DAB1: variants seen among roughly 807,000 people sequenced by gnomAD.
DAB1 encodes disabled homolog 1.
Under a neutral mutation model 64.6 loss-of-function variants are expected in DAB1, and 15 were observed. The ratio of observed to expected loss-of-function variants is 0.23; its 90% CI spans 0.16 to 0.36. The LOEUF (loss-of-function observed/expected upper bound fraction) is 0.36. Ranked by LOEUF, DAB1 falls within the 10% of genes least tolerant of loss-of-function variation. The pLI is 1.00. For synonymous variants in DAB1, 235 were observed against 251.9 expected, an observed-to-expected ratio of 0.93 and a Z score of 0.64; for missense variants, 596 against 706.7, an observed-to-expected ratio of 0.84 and a Z score of 1.78.
intron 1 of DAB1, among the ~76,000 whole-genome samples, chr1:57,407,639 T>C (rs1683750976): frequency 6.6e-6 from 1 of 151,908 alleles, no homozygotes; most frequent in Non-Finnish European, 1.5e-5. Context: ...GAGTGAAGAG[T>C]CTTGCCCATG....
At chr1:57,633,132 C>T (rs528728230) in intron 7 of DAB1, among the ~76,000 whole-genome samples, 97 of 152,342 alleles carry the variant, frequency 6.4e-4, no homozygotes, top group Middle Eastern at 6.8e-3. Flanking sequence ...CTGAGTAGAG[C>T]TCTCTGTCAC....
At chr1:57,538,822 A>C (rs1452593042) in intron 7 of DAB1, among the ~76,000 whole-genome samples, 1 of 152,180 alleles carries the variant, frequency 6.6e-6, no homozygotes, top group Non-Finnish European at 1.5e-5. Flanking sequence ...CATTACCATT[A>C]AGACAATGAG....
intron 2 of DAB1, among the ~76,000 whole-genome samples, chr1:57,286,880 A>C (rs1672359814): frequency 6.6e-6 from 1 of 152,346 alleles, no homozygotes; most frequent in African/African-American, 2.4e-5. Context: ...CAACCAAGTA[A>C]GATTTACCCC....
At chr1:57,050,418 G>A (rs150214510) in intron 9 of DAB1, among the ~76,000 whole-genome samples, 367 of 152,272 alleles carry the variant, frequency 2.4e-3, no homozygotes, top group African/African-American at 8.2e-3. Flanking sequence ...CTCCTTGGGG[G>A]CTTCCCTTGG....
intron 14 of DAB1, among the ~76,000 whole-genome samples, chr1:57,003,123 A>G (rs919915525): frequency 1.3e-5 from 2 of 152,228 alleles, no homozygotes; most frequent in African/African-American, 4.8e-5. Context: ...GTGCTGGACC[A>G]GCCTAGGAAA....
chr1:57,413,319 G>T (rs1684252915), intron 1 of DAB1, among the ~76,000 whole-genome samples: 1 of 152,132 alleles, frequency 6.6e-6, no homozygotes, highest in Non-Finnish European at 1.5e-5. Flanking sequence ...GCAGCCCATG[G>T]ATCAAGGAGT....
rs368405787 is a variant in DAB1 at position 57,156,547 on chromosome 1, G to A, written c.68-11118C>T. 1.6e-4 allele frequency among the ~76,000 whole-genome samples: 25 copies of A among 152,248 alleles called. No individual in the cohort carries two copies. In the South Asian group the frequency reaches 5.2e-3, roughly 32 times the overall value. On this transcript the variant is annotated intron_variant, in intron 2 of 14. Transcript: ENST00000371236. ...AATTAATTTATTTATGCTAAAGTGG[G>A]TAATGGACTCCAGGAGTCAGGACCA...
At chr1:58,173,724 C>T (rs990195937) in intron 4 of DAB1, among the ~76,000 whole-genome samples, 2 of 152,104 alleles carry the variant, frequency 1.3e-5, no homozygotes, top group East Asian at 1.9e-4. Flanking sequence ...TCTATGCAGC[C>T]GAAGTATATT....
chr1:57,959,247 C>T (rs1030649372), intron 5 of DAB1, among the ~76,000 whole-genome samples: 13 of 152,202 alleles, frequency 8.5e-5, no homozygotes, highest in African/African-American at 2.9e-4. Flanking sequence ...GCACCTGCCT[C>T]ATAGGGCCAG....
At chr1:58,471,631 G>T (rs1357194066) in intron 3 of DAB1, among the ~76,000 whole-genome samples, 1 of 152,206 alleles carries the variant, frequency 6.6e-6, no homozygotes, top group African/African-American at 2.4e-5. Flanking sequence ...GGCCCAGTGA[G>T]AGGTGATTGG....
intron 7 of DAB1, among the ~76,000 whole-genome samples, chr1:57,572,650 A>G (rs1645206333): frequency 6.6e-6 from 1 of 152,186 alleles, no homozygotes; most frequent in Non-Finnish European, 1.5e-5. Flanking sequence ...GAGTTTTTAC[A>G]TAATTGTATT....
At chr1:58,015,878 G>A (rs1646730986) in intron 5 of DAB1, among the ~76,000 whole-genome samples, 1 of 152,272 alleles carries the variant, frequency 6.6e-6, no homozygotes, top group Non-Finnish European at 1.5e-5. Flanking sequence ...ACGGAAGCTG[G>A]GAGGTTCTGC....
At chr1:57,977,120 C>T (rs998762916) in intron 5 of DAB1, among the ~76,000 whole-genome samples, 40 of 152,146 alleles carry the variant, frequency 2.6e-4, no homozygotes, top group African/African-American at 8.2e-4. Flanking sequence ...GTACAGGTTA[C>T]AATGCTTGTT....
intron 5 of DAB1, among the ~76,000 whole-genome samples, chr1:58,136,357 T>C (rs1030962234): frequency 1.3e-5 from 2 of 152,120 alleles, no homozygotes; most frequent in African/African-American, 4.8e-5. Context: ...GCTGCCGAAG[T>C]ATTTTCATAT....
intron 3 of DAB1, among the ~76,000 whole-genome samples, chr1:58,436,334 A>C (rs976574087): frequency 1.3e-5 from 2 of 152,194 alleles, no homozygotes; most frequent in African/African-American, 4.8e-5. Flanking sequence ...TTTGGAGGAG[A>C]GTGAAGAGAG....
At chr1:57,714,904 A>C (rs957926051) in intron 6 of DAB1, among the ~76,000 whole-genome samples, 4 of 152,220 alleles carry the variant, frequency 2.6e-5, no homozygotes, top group African/African-American at 9.6e-5. Context: ...AAAAGGGAAC[A>C]GTTAAAGAAC....
chr1:58,355,384 G>A (rs1644100406), intron 3 of DAB1, among the ~76,000 whole-genome samples: 1 of 152,186 alleles, frequency 6.6e-6, no homozygotes, highest in South Asian at 2.1e-4. Flanking sequence ...TCTACCAGTG[G>A]AAATTTCTAG....
At chr1:57,907,717 C>T (rs1483385566) in intron 5 of DAB1, among the ~76,000 whole-genome samples, 1 of 152,056 alleles carries the variant, frequency 6.6e-6, no homozygotes, top group East Asian at 1.9e-4. Context: ...AGCCCTCTAT[C>T]CTCCCCACCA....
chr1:57,803,339 A>G (rs1343894256), intron 6 of DAB1, among the ~76,000 whole-genome samples: 1 of 152,242 alleles, frequency 6.6e-6, no homozygotes, highest in Non-Finnish European at 1.5e-5. Flanking sequence ...TGACACAGCA[A>G]CTATCAACCC....
Sources: gnomAD v4.1 joint callset for allele counts (sites outside exome capture counted in the v4.1 genomes callset) on GRCh38, gnomAD v4.1.1 for gene constraint, MANE v1.5 for transcripts, NCBI Gene and HGNC (gene_info 2026-07-23, HGNC 2026-07-21) for gene names.